Variants in OTOA observed in about 807,000 individuals in gnomAD.
OTOA encodes the protein otoancorin.
A neutral mutation model predicts 110.8 loss-of-function variants in OTOA; 70 were observed. That is an observed-to-expected ratio of 0.63 (90% confidence interval 0.52 to 0.77). OTOA has a LOEUF of 0.77. Among genes scored for constraint, OTOA ranks in the 30% least tolerant of loss-of-function variants. The probability of loss-of-function intolerance (pLI) is 0.00; values close to 1 mark genes in which losing one functional copy is unlikely to be tolerated. For missense variants in OTOA, 917 were observed against 1,075.8 expected, an observed-to-expected ratio of 0.85 and a Z score of 2.06; for synonymous variants, 373 against 431.5, an observed-to-expected ratio of 0.86 and a Z score of 1.68.
At chr16:21,759,884 G>A (rs483705) in intron 28 of OTOA, among the ~76,000 whole-genome samples, 32 of 150,758 alleles carry the variant, frequency 2.1e-4, no homozygotes, top group Non-Finnish European at 4.0e-4. Flanking sequence ...TGGGTGACAG[G>A]GCGAGACTCT....
chr16:21,672,019 T>C lies in OTOA; in HGVS notation c.-4-6492T>C, dbSNP rs185482328. The stretch of plus-strand genomic sequence containing the variant: ...GAAGTTCCCTTGTGCCCTGTTGCAA[T>C]AAACTTTTCCCATTGTACCCTAATA... On this transcript the variant is annotated intron_variant, in intron 1 of 28. Transcript: ENST00000646100. Among the ~76,000 whole-genome samples the C allele has an allele frequency of 4.0e-3, 605 of 152,286 alleles. 5 individuals are homozygous for C. Among genetic ancestry groups the C allele is most frequent in the Middle Eastern group, 0.024 (7 of 294 alleles).
intron 12 of OTOA, among the ~76,000 whole-genome samples, chr16:21,706,129 G>A (rs537563399): frequency 5.9e-5 from 9 of 152,196 alleles, no homozygotes; most frequent in South Asian, 2.1e-4. Flanking sequence ...CAGCTACTTC[G>A]AACTTAAATA....
At chr16:21,723,087 G>C in intron 18 of OTOA, 109 bp downstream of exon 18, 2 of 1,111,636 alleles carry the variant, frequency 1.8e-6, no homozygotes, top group South Asian at 2.5e-5. Context: ...ACCAGAGGCA[G>C]AGTGGAGGAT....
rs545223249 is a variant in OTOA at position 21,691,015 on chromosome 16, C to T, written c.636-569C>T. Reference sequence around the variant, plus strand: ...GGTGTGTGATGTTCCCCTTGCTGTGCCCAAGTGATCTCATTGTTCAATTCC... The same window carrying T: ...GGTGTGTGATGTTCCCCTTGCTGTGTCCAAGTGATCTCATTGTTCAATTCC... On this transcript the variant is annotated intron_variant, in intron 8 of 28. Transcript: ENST00000646100. Among the ~76,000 whole-genome samples, 5 of 128,258 alleles carry T rather than the reference C, an allele frequency of 3.9e-5. No individual in the cohort carries two copies. In the East Asian group the frequency reaches 1.1e-3, roughly 29 times the overall value. The allele number at this position is 128,258 out of a possible 152,430, so 84.1% of individuals were successfully genotyped here. A position where few individuals can be genotyped will look rare whatever the true frequency, so the allele number is the denominator to read the frequency against.
At chr16:21,714,468 T>TTTCC in intron 13 of OTOA, among the ~76,000 whole-genome samples, 1 of 142,334 alleles carries the variant, frequency 7.0e-6, no homozygotes, top group East Asian at 2.0e-4. Flanking sequence ...CTCTTCTTTC[T>TTTCC]TTCTTTCTTT....
In OTOA at chr16:21,691,589, C is replaced by G; in HGVS notation, c.641C>G (p.Ala214Gly). 1 of 1,612,342 alleles carries G rather than the reference C, an allele frequency of 6.2e-7. No homozygotes were observed. Among genetic ancestry groups the G allele is most frequent in the Middle Eastern group, 1.7e-4 (1 of 6,056 alleles). Residue 214 changes from alanine to glycine, a missense_variant, in exon 9 of 29, where the codon GCA becomes GGA. Ala to Gly is a moderately conservative substitution (Grantham distance 60, BLOSUM62 0). Transcript: ENST00000646100. ...CCTGTGTTTGTGTCATTTAGATCTG[C>G]AGTGTTCAAAGATCTCTACGACAAA... ...LREDAFKNLS[A>G]VFKDLYDKTS...
intron 9 of OTOA, among the ~76,000 whole-genome samples, chr16:21,692,727 G>C (rs1897855798): frequency 6.6e-6 from 1 of 151,870 alleles, no homozygotes; most frequent in Non-Finnish European, 1.5e-5. Context: ...AGGAGTTCGA[G>C]ACCAGCCTGG....
rs986895590 is a variant in OTOA at position 21,694,610 on chromosome 16, G to A, written c.739+2923G>A. Among the ~76,000 whole-genome samples the A allele has an allele frequency of 1.2e-4, 18 of 152,210 alleles. No homozygotes were observed. The East Asian group carries it at 2.7e-3, about 23-fold the overall frequency. On this transcript the variant is annotated intron_variant, in intron 9 of 28. Transcript: ENST00000646100. ...GTGACATTTGAATCAAGACCAAAAT[G>A]AGGAGATGGAACCAGTCACGTAAGG...
At chr16:21,667,127 G>C (rs1174163911) in intron 1 of OTOA, among the ~76,000 whole-genome samples, 1 of 152,172 alleles carries the variant, frequency 6.6e-6, no homozygotes, top group Non-Finnish European at 1.5e-5. Context: ...CCAGTTACAG[G>C]ATGGTGATGG....
chr16:21,694,892 C>T (rs1045535990), intron 9 of OTOA, among the ~76,000 whole-genome samples: 1 of 152,194 alleles, frequency 6.6e-6, no homozygotes, highest in African/African-American at 2.4e-5. Context: ...ATCAGAGTCT[C>T]ACACTGGGTA....
chr16:21,699,914 A>C (rs999915292), intron 10 of OTOA, among the ~76,000 whole-genome samples: 16 of 151,964 alleles, frequency 1.1e-4, no homozygotes, highest in Non-Finnish European at 2.9e-5. Flanking sequence ...GCGAGACTCC[A>C]TCTCAAAAAA....
intron 28 of OTOA, among the ~76,000 whole-genome samples, chr16:21,759,054 T>A (rs1239352514): frequency 1.3e-5 from 2 of 152,116 alleles, no homozygotes; most frequent in African/African-American, 2.4e-5. Flanking sequence ...GATATGCATA[T>A]ATTTGAAAGT....
At chr16:21,677,363 C>T (rs1191386045) in intron 1 of OTOA, among the ~76,000 whole-genome samples, 3 of 151,456 alleles carry the variant, frequency 2.0e-5, no homozygotes, top group Non-Finnish European at 2.9e-5. Context: ...ATTCTAGTGA[C>T]TTTGTAGTGG....
At chr16:21,700,848 A>G in intron 10 of OTOA, 40 bp from the exon 11 acceptor site, 1 of 1,612,810 alleles carries the variant, frequency 6.2e-7, no homozygotes, top group Non-Finnish European at 8.5e-7. Flanking sequence ...GGCCACTTCC[A>G]CCCTCCTCAC....
intron 18 of OTOA, among the ~76,000 whole-genome samples, chr16:21,725,730 G>C (rs1302992083): frequency 6.6e-6 from 1 of 152,160 alleles, no homozygotes; most frequent in African/African-American, 2.4e-5. Context: ...TGAAGTGGTG[G>C]GGTTGAGTAG....
chr16:21,728,191 G>A (rs371489343), intron 19 of OTOA, 50 bp from the exon 20 acceptor site: 70 of 1,609,442 alleles, frequency 4.3e-5, no homozygotes, highest in Non-Finnish European at 5.6e-5. Context: ...AATGGCTCAC[G>A]ATCTTATGCT....
chr16:21,719,291 T>C, intron 16 of OTOA, 96 bp from the exon 17 acceptor site: 1 of 1,558,520 alleles, frequency 6.4e-7, no homozygotes, highest in Non-Finnish European at 8.8e-7. Context: ...CAGTCACATC[T>C]GTAGCTTGTA....
intron 9 of OTOA, among the ~76,000 whole-genome samples, chr16:21,695,228 C>G (rs1053659364): frequency 2.1e-4 from 30 of 141,328 alleles, no homozygotes; most frequent in African/African-American, 3.3e-4. Context: ...AGTGAGACCC[C>G]CCCCCCCCAT....
intron 15 of OTOA, 132 bp downstream of exon 15, chr16:21,717,179 T>C: frequency 4.5e-6 from 6 of 1,330,548 alleles, no homozygotes; most frequent in Non-Finnish European, 4.2e-6. Flanking sequence ...CAGAATAGTA[T>C]AGTGTTAAGA....
Sources: gnomAD v4.1 joint callset for allele counts (sites outside exome capture counted in the v4.1 genomes callset) on GRCh38, gnomAD v4.1.1 for gene constraint, MANE v1.5 for transcripts, NCBI Gene and HGNC (gene_info 2026-07-23, HGNC 2026-07-21) for gene names.